Variants in ARSG observed in about 807,000 individuals in gnomAD.
ARSG encodes ASG.
A neutral mutation model predicts 50.5 loss-of-function variants in ARSG; 37 were observed. That is an observed-to-expected ratio of 0.73 (90% CI 0.56 to 0.96). The LOEUF (loss-of-function observed/expected upper bound fraction) is 0.96. ARSG is among the 50% of genes least tolerant of loss of function. ARSG has a pLI of 0.00. For missense variants in ARSG, 629 were observed against 675.3 expected (o/e 0.93, Z 0.76); for synonymous variants, 225 against 254.6 (o/e 0.88, Z 1.11).
At chr17:68,270,755 G>C in intron 1 of ARSG, 1 of 1,268,998 alleles carries the variant, frequency 7.9e-7, no homozygotes, top group South Asian at 1.5e-5. Context: ...ACGGCAGTAA[G>C]TTTTTTTTAT....
chr17:68,445,151 C>T, the ARSG span, among the ~76,000 whole-genome samples: 2 of 152,114 alleles, frequency 1.3e-5, no homozygotes, highest in Admixed American at 1.3e-4. Flanking sequence ...AACTCCCGAC[C>T]TCAGGTGATC....
At chr17:68,316,167 G>A (rs893531395) in intron 2 of ARSG, among the ~76,000 whole-genome samples, 2 of 151,990 alleles carry the variant, frequency 1.3e-5, no homozygotes, top group Non-Finnish European at 2.9e-5. Flanking sequence ...CCTCTTATTG[G>A]CGAGGTCTCT....
At chr17:68,426,251 G>GGGGGGGGGT, downstream of ARSG, 14 of 825,460 alleles carry the variant, frequency 1.7e-5, 2 homozygotes, top group East Asian at 3.4e-5. Context: ...GTGGGGAGCG[G>GGGGGGGGGT]GGGCTCAAAT....
intron 1 of ARSG, among the ~76,000 whole-genome samples, chr17:68,261,566 G>A (rs1207636696): frequency 5.9e-5 from 9 of 152,140 alleles, no homozygotes; most frequent in African/African-American, 1.7e-4. Flanking sequence ...TTTTTGTAGA[G>A]AGGGGTTTTA....
intron 11 of ARSG, among the ~76,000 whole-genome samples, chr17:68,404,967 A>C (rs1600116632): frequency 3.3e-5 from 5 of 152,124 alleles, no homozygotes; most frequent in East Asian, 3.9e-4. Context: ...TGGTCTTGGC[A>C]CCCTTGTTAA....
chr17:68,382,617 A>G (rs1298741700), intron 8 of ARSG, among the ~76,000 whole-genome samples: 1 of 152,212 alleles, frequency 6.6e-6, no homozygotes, highest in Non-Finnish European at 1.5e-5. Flanking sequence ...TATGCATCTC[A>G]TAATTAGAGT....
chr17:68,376,276 C>CTTTT (rs149045241), intron 8 of ARSG, among the ~76,000 whole-genome samples: 9 of 131,956 alleles, frequency 6.8e-5, no homozygotes, highest in East Asian at 2.2e-4. Flanking sequence ...GCGCCCCCTG[C>CTTTT]ATTTTTTTTT....
chr17:68,344,544 T>A (rs974169717), intron 3 of ARSG, among the ~76,000 whole-genome samples: 7 of 152,226 alleles, frequency 4.6e-5, no homozygotes, highest in African/African-American at 1.7e-4. Context: ...GATTATTGTA[T>A]TGGCAAGAGA....
chr17:68,327,473 G>C (rs1555772874), intron 2 of ARSG, among the ~76,000 whole-genome samples: 1 of 152,078 alleles, frequency 6.6e-6, no homozygotes, highest in African/African-American at 2.4e-5. Flanking sequence ...TCCTTGGCTT[G>C]TGCTGGCATC....
At chr17:68,383,780 A>G (rs1375467946) in intron 8 of ARSG, among the ~76,000 whole-genome samples, 1 of 152,208 alleles carries the variant, frequency 6.6e-6, no homozygotes, top group Non-Finnish European at 1.5e-5. Context: ...CTCGATAGGA[A>G]GGATGTATTA....
chr17:68,394,017 C>T (rs990325189), intron 9 of ARSG, among the ~76,000 whole-genome samples: 1 of 151,614 alleles, frequency 6.6e-6, no homozygotes, highest in Non-Finnish European at 1.5e-5. Flanking sequence ...GGTCTCAAAC[C>T]GGCCATTGTT....
At chr17:68,358,490 A>T (rs2079134770) in intron 6 of ARSG, among the ~76,000 whole-genome samples, 1 of 151,810 alleles carries the variant, frequency 6.6e-6, no homozygotes, top group East Asian at 2.0e-4. Flanking sequence ...GGAGTTCGAA[A>T]CCAGCCTGAC....
At chr17:68,270,957 C>T (rs782246994) in intron 1 of ARSG, 1 of 1,614,142 alleles carries the variant, frequency 6.2e-7, no homozygotes, top group Admixed American at 1.7e-5. Context: ...GAATGTGAGT[C>T]CCTCCTATTG....
chr17:68,355,515 C>T (rs569136371), intron 5 of ARSG, among the ~76,000 whole-genome samples: 105 of 152,010 alleles, frequency 6.9e-4, no homozygotes, highest in African/African-American at 2.3e-3. Flanking sequence ...TGCAGCACCA[C>T]GGCTAATTTT....
chr17:68,389,894 C>T (rs1460309347), intron 9 of ARSG, among the ~76,000 whole-genome samples: 1 of 152,178 alleles, frequency 6.6e-6, no homozygotes, highest in African/African-American at 2.4e-5. Flanking sequence ...GTGGTTCCTT[C>T]TGGAACGAGC....
intron 8 of ARSG, among the ~76,000 whole-genome samples, chr17:68,382,315 T>A (rs953438036): frequency 6.6e-6 from 1 of 152,178 alleles, no homozygotes; most frequent in African/African-American, 2.4e-5. Flanking sequence ...GGTTTCCCCA[T>A]CTGAAAGATG....
At chr17:68,368,002 G>A (rs886106538) in intron 6 of ARSG, among the ~76,000 whole-genome samples, 17 of 152,110 alleles carry the variant, frequency 1.1e-4, no homozygotes, top group African/African-American at 3.1e-4. Flanking sequence ...CCCAGGAGGC[G>A]GAAGTTGCAG....
At chr17:68,431,064 C>T in the ARSG span, among the ~76,000 whole-genome samples, 2 of 152,174 alleles carry the variant, frequency 1.3e-5, no homozygotes, top group Non-Finnish European at 2.9e-5. Context: ...CTGAGACATC[C>T]TTGTACTGTC....
At position 68,343,724 on chromosome 17, in the gene ARSG, C is replaced by G. The variant is rs1251896058; in HGVS notation, c.339C>G (p.Gly113=). 2.5e-5 allele frequency: 41 copies of G among 1,614,048 alleles called. No homozygotes were observed. The highest frequency in any genetic ancestry group is 4.0e-5 in the African/African-American group (3 of 74,924). Residue 113 remains glycine (G), a synonymous_variant, in exon 3 of 12, where the codon GGC becomes GGG. Coordinates refer to ENST00000621439, the MANE Select transcript of ARSG (RefSeq NM_001267727.2). ...TRNFAVTSVG[G]LPLNETTLAE... is the part of the protein sequence containing the mutation. Reference sequence around the variant, plus strand: ...ACTTTGCAGTCACTTCTGTGGGAGGCCTTCCGCTCAACGAGACCACCTTGG... The same window carrying G: ...ACTTTGCAGTCACTTCTGTGGGAGGGCTTCCGCTCAACGAGACCACCTTGG...
Sources: allele counts gnomAD v4.1 joint callset (sites outside exome capture counted in the v4.1 genomes callset), GRCh38; gene constraint gnomAD v4.1.1; transcripts MANE v1.5; gene names NCBI Gene and HGNC (gene_info 2026-07-23, HGNC 2026-07-21).